PPP6R3: variants seen among roughly 807,000 people sequenced by gnomAD.
PPP6R3 encodes serine/threonine-protein phosphatase 6 regulatory subunit 3.
Under a neutral mutation model 110.7 loss-of-function variants are expected in PPP6R3, and 38 were observed. The observed-to-expected ratio is 0.34, with a 90% CI of 0.26 to 0.45. The LOEUF (loss-of-function observed/expected upper bound fraction) is 0.45, where lower values mean the gene tolerates loss of function less well. Among genes scored for constraint, PPP6R3 ranks in the 20% least tolerant of loss-of-function variants. The pLI, the probability that PPP6R3 is intolerant of heterozygous loss-of-function variation, is 1.00. For missense variants in PPP6R3, 870 were observed against 1,062.4 expected (o/e 0.82, Z 2.52); for synonymous variants, 369 against 373.5 (o/e 0.99, Z 0.14).
chr11:68,574,061 A>G, intron 12 of PPP6R3, 48 bp from the exon 13 acceptor site: 1 of 1,342,754 alleles, frequency 7.4e-7, no homozygotes, highest in Non-Finnish European at 1.1e-6. Flanking sequence ...GTGTTTCATC[A>G]CTTCATCCTA....
At chr11:68,538,014 G>T in intron 3 of PPP6R3, 123 bp downstream of exon 3, 1 of 738,578 alleles carries the variant, frequency 1.4e-6, no homozygotes. Context: ...AGATAGTCAA[G>T]AATGACAGGC....
Position 68,595,200 on chromosome 11 carries a change from A to ATTTTTTTT in PPP6R3, c.1917-873_1917-866dup, listed in dbSNP as rs71043443. Among the ~76,000 whole-genome samples, 24 of 81,166 alleles carry ATTTTTTTT rather than the reference A, an allele frequency of 3.0e-4. 1 individual carries two copies. The highest frequency in any genetic ancestry group is 6.7e-4 in the African/African-American group (17 of 25,522). 53.2% of individuals were successfully genotyped at this position (81,166 alleles called of 152,430 possible). The stretch of plus-strand genomic sequence containing the variant: ...ACCAAAAACACAATACATAAAAATA[A>ATTTTTTTT]TTTTTTTTTTTTTTTTTTTTTTTTT... On this transcript the variant is annotated intron_variant, in intron 18 of 23. Coordinates refer to ENST00000393800, the MANE Select transcript of PPP6R3 (RefSeq NM_001164161.2).
Position 68,542,389 on chromosome 11 carries a change from GT to G in PPP6R3, c.228-2427del, listed in dbSNP as rs34666175. Among the ~76,000 whole-genome samples, 211 of 40,200 alleles carry G rather than the reference GT, an allele frequency of 5.2e-3. 12 individuals are homozygous for G. Among genetic ancestry groups the G allele is most frequent in the African/African-American group, 0.011 (109 of 9,638 alleles). 26.4% of individuals were successfully genotyped at this position (40,200 alleles called of 152,430 possible). Reference sequence around the variant, plus strand: ...ATCTTTGGGTGCTTGAGAAGCTGCTGTTTTTTTTTTTTTTTTTTTTTTAAGA... The same window carrying G: ...ATCTTTGGGTGCTTGAGAAGCTGCTGTTTTTTTTTTTTTTTTTTTTTAAGA... On this transcript the variant is annotated intron_variant, in intron 3 of 23. Coordinates refer to ENST00000393800, the MANE Select transcript of PPP6R3 (RefSeq NM_001164161.2).
At chr11:68,484,166 A>T (rs949655085) in intron 1 of PPP6R3, among the ~76,000 whole-genome samples, 6 of 152,240 alleles carry the variant, frequency 3.9e-5, no homozygotes, top group African/African-American at 9.6e-5. Context: ...GTGGATAAAG[A>T]TGCTGTAAAT....
intron 1 of PPP6R3, among the ~76,000 whole-genome samples, chr11:68,483,640 A>C (rs1393679315): frequency 6.6e-6 from 1 of 152,108 alleles, no homozygotes; most frequent in Admixed American, 6.6e-5. Flanking sequence ...TTGCCACCAG[A>C]CTGGCTAACT....
rs2099584009 is a variant in PPP6R3, at chr11:68,588,004, A to G, written c.1710A>G (p.Ala570=). ...TTGGCTTCAACGATGAGAAGTTTGC[A>G]GATCAAGATGACATTGGCAAGTGAG... ...DQFGFNDEKF[A]DQDDIGNVSF... is the part of the protein sequence containing the mutation. The change falls in exon 16 of 24, where the codon GCA becomes GCG. Residue 570 remains alanine (A), a synonymous_variant. Transcript: ENST00000393800. 1 of 1,613,978 alleles carries G rather than the reference A, an allele frequency of 6.2e-7. No individual in the cohort carries two copies. Among genetic ancestry groups the G allele is most frequent in the Non-Finnish European group, 8.5e-7 (1 of 1,179,912 alleles).
chr11:68,531,648 G>C (rs2099241338), intron 2 of PPP6R3, among the ~76,000 whole-genome samples: 1 of 152,102 alleles, frequency 6.6e-6, no homozygotes, highest in African/African-American at 2.4e-5. Context: ...TGAAAGTTTG[G>C]GAAGCTTTAA....
chr11:68,510,268 C>T (rs1253860141), intron 1 of PPP6R3, among the ~76,000 whole-genome samples: 1 of 152,042 alleles, frequency 6.6e-6, no homozygotes, highest in Non-Finnish European at 1.5e-5. Flanking sequence ...CTTAGCTTCT[C>T]ATTACCTGTG....
At chr11:68,477,442 C>T (rs913848468) in intron 1 of PPP6R3, among the ~76,000 whole-genome samples, 6 of 151,802 alleles carry the variant, frequency 4.0e-5, no homozygotes. Flanking sequence ...CATTTTCATC[C>T]AGGTGCAGTG....
At chr11:68,485,151 A>G (rs2098938484) in intron 1 of PPP6R3, among the ~76,000 whole-genome samples, 2 of 151,848 alleles carry the variant, frequency 1.3e-5, no homozygotes. Flanking sequence ...TGTTAATATA[A>G]ATAATTTTTT....
chr11:68,573,136 AT>A (rs1565934258), intron 12 of PPP6R3, among the ~76,000 whole-genome samples: 5 of 109,530 alleles, frequency 4.6e-5, no homozygotes, highest in South Asian at 3.4e-4. Context: ...ATATATATAT[AT>A]ATATATATAT....
chr11:68,578,250 G>A (rs766364121), intron 14 of PPP6R3, among the ~76,000 whole-genome samples: 7 of 152,098 alleles, frequency 4.6e-5, no homozygotes, highest in Non-Finnish European at 1.0e-4. Context: ...CCATGTTTCA[G>A]GAAAATACGC....
chr11:68,543,002 A>G lies in PPP6R3; in HGVS notation c.228-1836A>G, dbSNP rs75326146. Among the ~76,000 whole-genome samples the G allele has an allele frequency of 8.5e-3, 1,294 of 152,182 alleles. 20 individuals are homozygous for G. Among genetic ancestry groups the G allele is most frequent in the African/African-American group, 0.03 (1,231 of 41,510 alleles). ...TTGAGTGAGTGCATCTCCCCAACCC[A>G]CTCTAGCAGCATTCTGCCATTTTAT... On this transcript the variant is annotated intron_variant, in intron 3 of 23. Coordinates refer to ENST00000393800, the MANE Select transcript of PPP6R3 (RefSeq NM_001164161.2).
chr11:68,523,699 G>GC (rs1184888468), intron 2 of PPP6R3, among the ~76,000 whole-genome samples: 1 of 48,268 alleles, frequency 2.1e-5, no homozygotes, highest in Non-Finnish European at 3.5e-5. Context: ...TCCTACCCAT[G>GC]CCCCCCTGCC....
chr11:68,489,472 C>G (rs1028345147), intron 1 of PPP6R3, among the ~76,000 whole-genome samples: 5 of 152,002 alleles, frequency 3.3e-5, no homozygotes. Flanking sequence ...TCAAATAACA[C>G]TACAGAGGTA....
chr11:68,545,947 T>C (rs2153679771), intron 4 of PPP6R3, among the ~76,000 whole-genome samples: 1 of 152,346 alleles, frequency 6.6e-6, no homozygotes, highest in South Asian at 2.1e-4. Context: ...GCAAAAGTGG[T>C]CAAACCAGTT....
At chr11:68,468,683 CAG>C (rs1330847802) in intron 1 of PPP6R3, among the ~76,000 whole-genome samples, 1 of 152,156 alleles carries the variant, frequency 6.6e-6, no homozygotes, top group Non-Finnish European at 1.5e-5. Flanking sequence ...GGGGAGGTTA[CAG>C]AGTTAGTGTT....
chr11:68,564,010 A>T (rs2099443211), intron 8 of PPP6R3, among the ~76,000 whole-genome samples: 1 of 152,164 alleles, frequency 6.6e-6, no homozygotes, highest in Non-Finnish European at 1.5e-5. Context: ...TTTCCTGGTC[A>T]CTTAGAGACT....
At chr11:68,570,905 C>T in intron 11 of PPP6R3, 135 bp from the exon 12 acceptor site, 2 of 1,077,098 alleles carry the variant, frequency 1.9e-6, no homozygotes, top group Non-Finnish European at 2.6e-6. Flanking sequence ...TTGATGATCA[C>T]ATTGCATTTG....
Sources: allele counts gnomAD v4.1 joint callset (sites outside exome capture counted in the v4.1 genomes callset), GRCh38; gene constraint gnomAD v4.1.1; transcripts MANE v1.5; gene names NCBI Gene and HGNC (gene_info 2026-07-23, HGNC 2026-07-21).